Variants in CDCP2 observed in about 807,000 individuals in gnomAD.
The protein encoded by CDCP2 is CUB domain containing protein 2, also known as CUB domain-containing protein 2.
Under a neutral mutation model 31.0 loss-of-function variants are expected in CDCP2, and 31 were observed. That is an observed-to-expected ratio of 1.00 (90% confidence interval 0.75 to 1.35). The LOEUF is 1.35. Among genes scored for constraint, CDCP2 ranks in the 40% most tolerant of loss-of-function variants. CDCP2 has a pLI of 0.00. For missense variants in CDCP2, 443 were observed against 482.6 expected, an observed-to-expected ratio of 0.92 and a Z score of 0.77; for synonymous variants, 206 against 207.9, an observed-to-expected ratio of 0.99 and a Z score of 0.08.
intron 4 of CDCP2, chr1:54,137,678 T>TGTGTGTGTGTGTGTGC (rs1273001302): frequency 8.0e-6 from 1 of 124,880 alleles, no homozygotes; most frequent in Non-Finnish European, 1.6e-5. Flanking sequence ...TGTGTGTGTG[T>TGTGTGTGTGTGTGTGC]GTGTGCGTGT....
At chr1:54,139,812 A>G in exon 4 of CDCP2, 3 of 1,614,184 alleles carry the variant, frequency 1.9e-6, no homozygotes, top group Non-Finnish European at 2.5e-6. Context: ...GTGCAGCAGA[A>G]GCAGAAGCTG....
At chr1:54,141,155 C>A in exon 3 of CDCP2, 1 of 1,561,010 alleles carries the variant, frequency 6.4e-7, no homozygotes. Flanking sequence ...GACTTGAAGA[C>A]CACCTGCAGT....
Position 54,141,082 on chromosome 1 carries a change from C to G in CDCP2, c.763+16G>C, listed in dbSNP as rs368709261. 3.4e-5 allele frequency: 52 copies of G among 1,513,574 alleles called. 1 individual carries two copies. Among genetic ancestry groups the G allele is most frequent in the Non-Finnish European group, 4.2e-5 (48 of 1,131,272 alleles). 93.8% of individuals were successfully genotyped at this position (1,513,574 alleles called of 1,614,324 possible). On this transcript the variant is annotated intron_variant, in intron 3 of 5. Coordinates refer to ENST00000530059, the Ensembl canonical transcript of CDCP2. Reference sequence around the variant, plus strand: ...AGGCACAGGAGGATTCAGGGTGGAGCGCCAGCCCCTCCTACCTGAGAAGTA... The same window carrying G: ...AGGCACAGGAGGATTCAGGGTGGAGGGCCAGCCCCTCCTACCTGAGAAGTA...
intron 1 of CDCP2, among the ~76,000 whole-genome samples, chr1:54,149,709 A>C (rs745868551): frequency 6.6e-6 from 1 of 152,192 alleles, no homozygotes; most frequent in Non-Finnish European, 1.5e-5. Context: ...GATTTGGTTC[A>C]GTATCCTGCT....
chr1:54,140,556 GA>G (rs772268848), intron 3 of CDCP2: 22 of 237,240 alleles, frequency 9.3e-5, no homozygotes, highest in African/African-American at 1.4e-4. Flanking sequence ...CTCCTGCTTG[GA>G]ATGCCCTTCC....
intron 5 of CDCP2, among the ~76,000 whole-genome samples, chr1:54,136,320 C>T (rs1300642698): frequency 6.6e-6 from 1 of 152,146 alleles, no homozygotes; most frequent in Non-Finnish European, 1.5e-5. Context: ...CAGGAGTGAC[C>T]GGTAGCGTCT....
chr1:54,133,229 C>G, exon 6 of CDCP2: 1 of 399,150 alleles, frequency 2.5e-6, no homozygotes. Flanking sequence ...CATGGATGTC[C>G]TCCCGCCCCG....
intron 1 of CDCP2, among the ~76,000 whole-genome samples, chr1:54,151,040 G>A (rs150234850): frequency 2.0e-4 from 30 of 152,294 alleles, no homozygotes; most frequent in Non-Finnish European, 4.0e-4. Context: ...GAGGAAAGCC[G>A]ATCTTGCTGG....
chr1:54,142,821 C>G (rs945251167), intron 2 of CDCP2: 2 of 152,218 alleles, frequency 1.3e-5, no homozygotes, highest in Admixed American at 6.5e-5. Flanking sequence ...CCCTGGGGCT[C>G]CCCAGCAGCC....
intron 4 of CDCP2, among the ~76,000 whole-genome samples, chr1:54,137,321 C>T (rs903822114): frequency 3.9e-5 from 6 of 151,992 alleles, no homozygotes; most frequent in Non-Finnish European, 8.8e-5. Context: ...AATACACCCA[C>T]GTGTCAGCGT....
intron 1 of CDCP2, among the ~76,000 whole-genome samples, chr1:54,149,758 T>C (rs1659545137): frequency 6.6e-6 from 1 of 152,200 alleles, no homozygotes; most frequent in Non-Finnish European, 1.5e-5. Context: ...CTCCCTACCG[T>C]ATTGCAAGCA....
chr1:54,139,554 A>C (rs1318434627), intron 4 of CDCP2, 199 bp downstream of exon 4: 2 of 1,613,840 alleles, frequency 1.2e-6, no homozygotes, highest in Non-Finnish European at 1.7e-6. Context: ...GCAATAGTGG[A>C]AACAAGCGGG....
chr1:54,135,078 T>C (rs915238116), intron 5 of CDCP2, among the ~76,000 whole-genome samples: 20 of 151,014 alleles, frequency 1.3e-4, no homozygotes, highest in African/African-American at 3.9e-4. Flanking sequence ...TTTTGGGATA[T>C]AGAATCAGGA....
intron 1 of CDCP2, among the ~76,000 whole-genome samples, chr1:54,147,868 C>T (rs937282926): frequency 2.0e-5 from 3 of 151,044 alleles, no homozygotes; most frequent in African/African-American, 4.9e-5. Flanking sequence ...AAAAATTAGC[C>T]GGGCATGGTG....
intron 1 of CDCP2, among the ~76,000 whole-genome samples, chr1:54,152,282 G>A (rs1330109867): frequency 1.3e-5 from 2 of 152,120 alleles, no homozygotes; most frequent in Non-Finnish European, 2.9e-5. Context: ...TGACCAACAT[G>A]GTGAAACCCC....
intron 5 of CDCP2, among the ~76,000 whole-genome samples, chr1:54,136,279 G>A (rs751172427): frequency 2.1e-4 from 32 of 152,188 alleles, no homozygotes; most frequent in Non-Finnish European, 3.2e-4. Flanking sequence ...AAGAATAACT[G>A]CTGGCAGCTC....
intron 1 of CDCP2, among the ~76,000 whole-genome samples, chr1:54,152,565 C>T (rs1334982544): frequency 6.6e-6 from 1 of 152,204 alleles, no homozygotes; most frequent in Non-Finnish European, 1.5e-5. Flanking sequence ...CTTAATATCT[C>T]TAGTCCTCAG....
chr1:54,141,764 T>G (rs927041236), intron 2 of CDCP2: 15 of 222,120 alleles, frequency 6.8e-5, no homozygotes, highest in Admixed American at 6.2e-4. Flanking sequence ...GAGATAAGGA[T>G]TTGAGTGCAA....
At chr1:54,149,681 C>T (rs1261588265) in intron 1 of CDCP2, among the ~76,000 whole-genome samples, 2 of 152,164 alleles carry the variant, frequency 1.3e-5, no homozygotes, top group African/African-American at 4.8e-5. Context: ...ATCTAACATG[C>T]TATTTATTTT....
Sources: gnomAD v4.1 joint callset for allele counts (sites outside exome capture counted in the v4.1 genomes callset) on GRCh38, gnomAD v4.1.1 for gene constraint, MANE v1.5 for transcripts, NCBI Gene and HGNC (gene_info 2026-07-23, HGNC 2026-07-21) for gene names.